The following ANKS1A variants were observed in gnomAD, a reference collection of about 807,000 sequenced individuals.
ANKS1A encodes ankyrin repeat and sterile alpha motif domain containing 1A, also known as ankyrin repeat and SAM domain-containing protein 1A.
Under a neutral mutation model 120.3 loss-of-function variants are expected in ANKS1A, and 55 were observed. The ratio of observed to expected loss-of-function variants is 0.46; its 90% CI spans 0.37 to 0.57. ANKS1A has a LOEUF of 0.57. Ranked by LOEUF, ANKS1A falls within the 20% of genes least tolerant of loss-of-function variation. The pLI, the probability that ANKS1A is intolerant of heterozygous loss-of-function variation, is 0.00. For synonymous variants in ANKS1A, 590 were observed against 604.7 expected (o/e 0.98, Z 0.36); for missense variants, 1,123 against 1,480.3 (o/e 0.76, Z 3.96).
At chr6:35,051,885 G>A (rs1206973011) in intron 11 of ANKS1A, among the ~76,000 whole-genome samples, 3 of 152,234 alleles carry the variant, frequency 2.0e-5, no homozygotes, top group Non-Finnish European at 4.4e-5. Context: ...CAACAGAGCG[G>A]AAGTGGAAAG....
rs539548709 is a variant in ANKS1A, at chr6:34,929,379, C to T, written c.198-37860C>T. Among the ~76,000 whole-genome samples, 110 of 152,234 alleles carry T rather than the reference C, an allele frequency of 7.2e-4. No homozygotes were observed. In the Middle Eastern group the frequency reaches 0.024, roughly 33 times the overall value. On this transcript the variant is annotated intron_variant, in intron 1 of 23. Transcript: ENST00000360359. ...AATGTATTCCACCCATGTTTGATTT[C>T]CCTGTTTAGCAGTATCTGCCTGGAA...
Position 34,970,019 on chromosome 6 carries a change from C to T in ANKS1A, c.288C>T (p.Val96=), listed in dbSNP as rs772957914. Residue 96 remains valine (V), a synonymous_variant, in exon 3 of 24, where the codon GTC becomes GTT. Coordinates refer to ENST00000360359, the MANE Select transcript of ANKS1A (RefSeq NM_015245.3). ...HAALNGHKDV[V]EVLLRNDALT... Reference sequence around the variant, plus strand: ...GATTTTTGCCTTCTAGGGATGTGGTCGAGGTTCTTCTGAGGAACGATGCGC... The same window carrying T: ...GATTTTTGCCTTCTAGGGATGTGGTTGAGGTTCTTCTGAGGAACGATGCGC... 3.4e-5 allele frequency: 55 copies of T among 1,613,326 alleles called. No homozygotes were observed. In the East Asian group the frequency reaches 9.1e-4, roughly 27 times the overall value.
intron 1 of ANKS1A, among the ~76,000 whole-genome samples, chr6:34,919,013 G>A (rs1195440601): frequency 2.0e-5 from 3 of 151,960 alleles, no homozygotes; most frequent in Admixed American, 6.6e-5. Flanking sequence ...CACCATGCCC[G>A]GCTAATTTTT....
Position 34,983,120 on chromosome 6 carries a change from C to A in ANKS1A, c.816C>A (p.Asp272Glu). The A allele has an allele frequency of 6.2e-7, 1 of 1,613,958 alleles. No individual in the cohort carries two copies. Among genetic ancestry groups the A allele is most frequent in the Non-Finnish European group, 8.5e-7 (1 of 1,179,926 alleles). Residue 272 changes from aspartate (D) to glutamate (E), a missense_variant, in exon 6 of 24, where the codon GAC becomes GAA. Physicochemically the swap from Asp to Glu is conservative, Grantham distance 45. This residue lies in a region of ANKS1A where 904 missense variants were observed against 1,130.4 expected (regional missense o/e 0.80). Coordinates refer to ENST00000360359, the MANE Select transcript of ANKS1A (RefSeq NM_015245.3). ...CCTGGTGTGCCTTTCTAGGAACTGA[C>A]GTCAACATAAAAGATAACCATGGAC... ...VVQILLAAGT[D>E]VNIKDNHGLT...
chr6:34,929,984 A>G (rs984103580), intron 1 of ANKS1A, among the ~76,000 whole-genome samples: 2 of 151,922 alleles, frequency 1.3e-5, no homozygotes, highest in African/African-American at 4.8e-5. Flanking sequence ...TTCCTGCTCT[A>G]TGACATCTGA....
intron 1 of ANKS1A, among the ~76,000 whole-genome samples, chr6:34,955,658 C>T (rs553484758): frequency 6.6e-6 from 1 of 152,232 alleles, no homozygotes; most frequent in South Asian, 2.1e-4. Flanking sequence ...TACCCATCTT[C>T]CTCTTTCTCG....
At chr6:35,078,494 A>G in intron 13 of ANKS1A, 64 bp from the exon 14 acceptor site, 1 of 1,479,882 alleles carries the variant, frequency 6.8e-7, no homozygotes, top group Non-Finnish European at 9.4e-7. Context: ...GGCCCACCTG[A>G]CCCCCTCAGG....
downstream of ANKS1A, among the ~76,000 whole-genome samples, chr6:35,094,295 C>A (rs974948984): frequency 2.0e-5 from 3 of 152,076 alleles, no homozygotes; most frequent in African/African-American, 7.2e-5. Context: ...AACACTTAGC[C>A]AGACATGGTG....
intron 9 of ANKS1A, among the ~76,000 whole-genome samples, chr6:34,991,523 C>T (rs1429255957): frequency 5.0e-5 from 7 of 139,732 alleles, no homozygotes; most frequent in African/African-American, 1.9e-4. Context: ...TCCACATAGC[C>T]GGGAAAAAAA....
chr6:34,897,279 A>G (rs1351548984), intron 1 of ANKS1A, among the ~76,000 whole-genome samples: 1 of 152,184 alleles, frequency 6.6e-6, no homozygotes, highest in African/African-American at 2.4e-5. Flanking sequence ...TTCACGGGTC[A>G]TAGGAGGTTA....
intron 13 of ANKS1A, among the ~76,000 whole-genome samples, chr6:35,062,409 T>C (rs1214510454): frequency 6.6e-6 from 1 of 152,258 alleles, no homozygotes; most frequent in Non-Finnish European, 1.5e-5. Context: ...GCGTTTCTGT[T>C]ATTGAAATAT....
chr6:34,997,610 A>G (rs1227847388), intron 10 of ANKS1A, among the ~76,000 whole-genome samples: 4 of 152,212 alleles, frequency 2.6e-5, no homozygotes, highest in African/African-American at 9.6e-5. Context: ...AAAAACAAGC[A>G]ATTAATGAAT....
rs574572709 is a variant in ANKS1A at position 35,080,980 on chromosome 6, T to C, written c.2545-14T>C. ...CGAGGGTTGCAAGTTCCACCTGGAT[T>C]TTTCCCTCCACAGTGCCAAGATTTG... On this transcript the variant is annotated splice_polypyrimidine_tract_variant and intron_variant, in intron 16 of 23. Coordinates refer to ENST00000360359, the MANE Select transcript of ANKS1A (RefSeq NM_015245.3). The C allele has an allele frequency of 1.1e-5, 18 of 1,608,728 alleles. No individual in the cohort carries two copies. The East Asian group carries it at 3.4e-4, about 30-fold the overall frequency.
At chr6:34,938,625 C>G (rs1772388238) in intron 1 of ANKS1A, among the ~76,000 whole-genome samples, 1 of 152,156 alleles carries the variant, frequency 6.6e-6, no homozygotes, top group South Asian at 2.1e-4. Flanking sequence ...TCTGGGATAC[C>G]CAGAAATGGT....
At position 35,070,498 on chromosome 6, in the gene ANKS1A, T is replaced by A. The variant is rs1035497265; in HGVS notation, c.2185-8060T>A. 2.8e-3 allele frequency among the ~76,000 whole-genome samples: 398 copies of A among 143,726 alleles called. 2 individuals are homozygous for A. Among genetic ancestry groups the A allele is most frequent in the African/African-American group, 9.6e-3 (374 of 38,878 alleles). 94.3% of individuals were successfully genotyped at this position (143,726 alleles called of 152,430 possible). A position where few individuals can be genotyped will look rare whatever the true frequency, so the allele number is the denominator to read the frequency against. ...CAAGCCTTTATCTTTTTTTTTTTTT[T>A]TTTTTTTTTTTGAGACAGTCTCACT... On this transcript the variant is annotated intron_variant, in intron 13 of 23. Coordinates refer to ENST00000360359, the MANE Select transcript of ANKS1A (RefSeq NM_015245.3).
At chr6:34,966,515 C>CT (rs1185924323) in intron 1 of ANKS1A, among the ~76,000 whole-genome samples, 1 of 152,196 alleles carries the variant, frequency 6.6e-6, no homozygotes, top group African/African-American at 2.4e-5. Flanking sequence ...TTTAGAAGCT[C>CT]TAGCCAATGC....
intron 23 of ANKS1A, among the ~76,000 whole-genome samples, chr6:35,087,464 C>T (rs1225202661): frequency 6.6e-6 from 1 of 152,206 alleles, no homozygotes; most frequent in Non-Finnish European, 1.5e-5. Context: ...GTGGCTCCCT[C>T]CTCCTGTCTG....
At chr6:34,969,987 C>A in intron 2 of ANKS1A, 23 bp from the exon 3 acceptor site, 1 of 1,610,426 alleles carries the variant, frequency 6.2e-7, no homozygotes, top group South Asian at 1.1e-5. Context: ...TCTACCAACT[C>A]ATGATTGATT....
intron 13 of ANKS1A, among the ~76,000 whole-genome samples, chr6:35,066,415 C>G (rs1301022393): frequency 2.0e-5 from 3 of 152,140 alleles, no homozygotes; most frequent in Non-Finnish European, 4.4e-5. Flanking sequence ...TTGGGGGTGA[C>G]TGTGGCACCT....
Sources: allele counts gnomAD v4.1 joint callset (sites outside exome capture counted in the v4.1 genomes callset), GRCh38; gene constraint gnomAD v4.1.1; regional missense constraint gnomAD v4.1.1; transcripts MANE v1.5; gene names NCBI Gene and HGNC (gene_info 2026-07-23, HGNC 2026-07-21).